The following CYB5R4 variants were observed in gnomAD, a reference collection of about 807,000 sequenced individuals.
The protein encoded by CYB5R4 is cytochrome b5 reductase 4.
Under a neutral mutation model 70.2 loss-of-function variants are expected in CYB5R4, and 55 were observed. The ratio of observed to expected loss-of-function variants is 0.78; its 90% confidence interval spans 0.63 to 0.98. The LOEUF (loss-of-function observed/expected upper bound fraction) is 0.98. Among genes scored for constraint, CYB5R4 ranks in the 50% least tolerant of loss-of-function variants. The pLI, the probability that CYB5R4 is intolerant of heterozygous loss-of-function variation, is 0.00. For missense variants in CYB5R4, 562 were observed against 612.6 expected, an observed-to-expected ratio of 0.92 and a Z score of 0.87; for synonymous variants, 197 against 199.5, an observed-to-expected ratio of 0.99 and a Z score of 0.11.
At chr6:83,949,206 G>A (rs562066513) in intron 14 of CYB5R4, among the ~76,000 whole-genome samples, 10 of 151,376 alleles carry the variant, frequency 6.6e-5, no homozygotes, top group African/African-American at 2.2e-4. Context: ...AGATTTAGCA[G>A]GAATTTTACC....
intron 14 of CYB5R4, among the ~76,000 whole-genome samples, chr6:83,952,274 A>G (rs184487467): frequency 1.4e-3 from 218 of 152,316 alleles, no homozygotes; most frequent in African/African-American, 5.0e-3. Flanking sequence ...TTGACATTAC[A>G]AAAAGATAAG....
chr6:83,893,068 A>G (rs1395600802), intron 2 of CYB5R4, among the ~76,000 whole-genome samples: 1 of 152,194 alleles, frequency 6.6e-6, no homozygotes, highest in Non-Finnish European at 1.5e-5. Context: ...ACTCTTCTGT[A>G]TAATAAATAT....
At chr6:83,861,480 T>C (rs1326375204) in intron 1 of CYB5R4, among the ~76,000 whole-genome samples, 1 of 152,228 alleles carries the variant, frequency 6.6e-6, no homozygotes, top group Non-Finnish European at 1.5e-5. Flanking sequence ...ATAATATTGA[T>C]GAGAAAAAAA....
At chr6:83,954,407 G>T (rs941983503) in intron 14 of CYB5R4, among the ~76,000 whole-genome samples, 15 of 152,024 alleles carry the variant, frequency 9.9e-5, no homozygotes, top group African/African-American at 3.6e-4. Context: ...GTTTATTTTG[G>T]GTTCAGGGGG....
intron 12 of CYB5R4, among the ~76,000 whole-genome samples, chr6:83,937,142 G>C (rs1368463792): frequency 2.0e-5 from 3 of 152,098 alleles, no homozygotes; most frequent in African/African-American, 7.2e-5. Flanking sequence ...GGGTATGATG[G>C]CGGGCGCCTG....
intron 12 of CYB5R4, 58 bp downstream of exon 12, chr6:83,936,434 C>T: frequency 7.1e-7 from 1 of 1,415,052 alleles, no homozygotes; most frequent in East Asian, 2.3e-5. Context: ...TCACATTGTC[C>T]TCTAGTTATC....
intron 12 of CYB5R4, among the ~76,000 whole-genome samples, chr6:83,938,677 C>A (rs1179488282): frequency 6.6e-6 from 1 of 152,160 alleles, no homozygotes; most frequent in Non-Finnish European, 1.5e-5. Context: ...TGAGTCTAAT[C>A]AATTTTGTTA....
intron 3 of CYB5R4, among the ~76,000 whole-genome samples, chr6:83,897,995 A>T (rs2099462197): frequency 6.6e-6 from 1 of 152,112 alleles, no homozygotes; most frequent in Admixed American, 6.6e-5. Flanking sequence ...GGTATTGCCT[A>T]GGTTTTCTTG....
chr6:83,934,776 A>G (rs766667379), intron 11 of CYB5R4, 41 bp downstream of exon 11: 29 of 1,559,324 alleles, frequency 1.9e-5, no homozygotes, highest in Non-Finnish European at 2.4e-5. Context: ...TTATTCTTTT[A>G]TAAGCAGTTC....
intron 2 of CYB5R4, 51 bp from the exon 3 acceptor site, chr6:83,893,471 C>A (rs2099461438): frequency 9.3e-7 from 1 of 1,075,546 alleles, no homozygotes; most frequent in Non-Finnish European, 1.4e-6. Context: ...ATAAGTTTTA[C>A]AATTTTTGAG....
chr6:83,948,308 G>C (rs905153114), intron 14 of CYB5R4, among the ~76,000 whole-genome samples: 1 of 152,228 alleles, frequency 6.6e-6, no homozygotes, highest in Admixed American at 6.5e-5. Flanking sequence ...ATAAGTGGGA[G>C]TTGAACAATG....
At chr6:83,902,767 C>T (rs1296146496) in intron 3 of CYB5R4, among the ~76,000 whole-genome samples, 2 of 148,386 alleles carry the variant, frequency 1.3e-5, no homozygotes, top group Non-Finnish European at 1.5e-5. Flanking sequence ...TTATCTGTAG[C>T]TTTCTTTCTT....
intron 2 of CYB5R4, among the ~76,000 whole-genome samples, chr6:83,884,998 T>C (rs1474990756): frequency 6.6e-6 from 1 of 152,178 alleles, no homozygotes; most frequent in Non-Finnish European, 1.5e-5. Context: ...TCTTTACTCT[T>C]TTATTGTTGA....
chr6:83,897,809 A>T (rs763578807), intron 3 of CYB5R4, among the ~76,000 whole-genome samples: 3 of 151,980 alleles, frequency 2.0e-5, no homozygotes, highest in Non-Finnish European at 4.4e-5. Flanking sequence ...GTCAGATGAG[A>T]AGATTGCAGA....
rs2099470421 is a variant in CYB5R4, at chr6:83,945,415, T to TA, written c.1346+4817dup. On this transcript the variant is annotated intron_variant, in intron 14 of 15. Transcript: ENST00000369681. ...CGTACCAGAATCTCTGGGACACAGC[T>TA]AAAGCAGTGTATAGAGGGAAATTTA... 4.6e-5 allele frequency among the ~76,000 whole-genome samples: 7 copies of TA among 152,236 alleles called. No individual in the cohort carries two copies. In the South Asian group the frequency reaches 1.5e-3, roughly 32 times the overall value.
At chr6:83,902,469 G>A (rs1346908085) in intron 3 of CYB5R4, among the ~76,000 whole-genome samples, 1 of 152,098 alleles carries the variant, frequency 6.6e-6, no homozygotes, top group East Asian at 1.9e-4. Context: ...CACCATCTTT[G>A]TTCTTTTTGC....
intron 12 of CYB5R4, among the ~76,000 whole-genome samples, chr6:83,939,018 T>TAG (rs1337547378): frequency 6.6e-6 from 1 of 151,996 alleles, no homozygotes; most frequent in African/African-American, 2.4e-5. Flanking sequence ...GTATTTTTAG[T>TAG]AGAGACGGGG....
intron 15 of CYB5R4, among the ~76,000 whole-genome samples, chr6:83,958,286 G>A (rs567250963): frequency 2.0e-4 from 30 of 152,238 alleles, no homozygotes; most frequent in Non-Finnish European, 2.8e-4. Flanking sequence ...CTATCTAGTG[G>A]TAGAAACAAA....
rs2099474054 is a variant in CYB5R4 at position 83,966,309 on chromosome 6, G to A, written c.*6431G>A. The A allele has an allele frequency of 6.6e-6, 1 of 152,008 alleles. No homozygotes were observed. Among genetic ancestry groups the A allele is most frequent in the African/African-American group, 2.4e-5 (1 of 41,390 alleles). The allele number at this position is 152,008 out of a possible 1,614,324, so 9.4% of individuals were successfully genotyped here. On this transcript the variant is annotated 3_prime_UTR_variant, in exon 16 of 16. Coordinates refer to ENST00000369681, the MANE Select transcript of CYB5R4 (RefSeq NM_016230.4). The stretch of plus-strand genomic sequence containing the variant: ...TCAGTAAAGATATAAAAATGTTTTT[G>A]GGTACTAAGACTAAACTAGAAAGAA...
Sources: gnomAD v4.1 joint callset for allele counts (sites outside exome capture counted in the v4.1 genomes callset) on GRCh38, gnomAD v4.1.1 for gene constraint, MANE v1.5 for transcripts, NCBI Gene and HGNC (gene_info 2026-07-23, HGNC 2026-07-21) for gene names.